The following NME8 variants were observed in gnomAD, a reference collection of about 807,000 sequenced individuals.
NME8 encodes the protein NME/NM23 family member 8, also known as protein NME8.
In NME8, 72 loss-of-function variants were observed where a neutral mutation model predicts 82.3. The ratio of observed to expected loss-of-function variants is 0.87; its 90% CI spans 0.72 to 1.06. The LOEUF (loss-of-function observed/expected upper bound fraction) is 1.06, where lower values mean the gene tolerates loss of function less well. Ranked by LOEUF, NME8 falls within the 50% of genes least tolerant of loss-of-function variation. The pLI is 0.00. For synonymous variants in NME8, 267 were observed against 228.5 expected (o/e 1.17, Z -1.52); for missense variants, 712 against 685.4 (o/e 1.04, Z -0.43).
intron 15 of NME8, among the ~76,000 whole-genome samples, chr7:37,888,876 T>C (rs555025300): frequency 6.6e-6 from 1 of 152,112 alleles, no homozygotes; most frequent in South Asian, 2.1e-4. Context: ...TTTTTTTTCG[T>C]ATTGAGACTT....
At chr7:37,877,438 T>TA (rs2131960691) in intron 12 of NME8, among the ~76,000 whole-genome samples, 1 of 152,334 alleles carries the variant, frequency 6.6e-6, no homozygotes, top group South Asian at 2.1e-4. Flanking sequence ...TAGTTCTTTT[T>TA]AATCTCATCC....
At chr7:37,881,969 A>C (rs1277384961) in intron 12 of NME8, among the ~76,000 whole-genome samples, 2 of 152,220 alleles carry the variant, frequency 1.3e-5, no homozygotes, top group African/African-American at 4.8e-5. Context: ...GCAGAGAAAA[A>C]GTCTGCTGTC....
intron 14 of NME8, among the ~76,000 whole-genome samples, chr7:37,886,046 A>G (rs1968668): frequency 0.086 from 13,026 of 152,212 alleles, 689 homozygotes; most frequent in South Asian, 0.16. Context: ...CACTTACATG[A>G]AAGCTGAAGT....
chr7:37,888,666 T>G (rs1014706273), intron 15 of NME8, among the ~76,000 whole-genome samples: 1 of 152,140 alleles, frequency 6.6e-6, no homozygotes, highest in Non-Finnish European at 1.5e-5. Flanking sequence ...TCAGAAATGA[T>G]ATTGAATTTT....
At chr7:37,885,296 A>C in intron 14 of NME8, 44 bp downstream of exon 14, 2 of 1,167,220 alleles carry the variant, frequency 1.7e-6, no homozygotes, top group Non-Finnish European at 1.3e-6. Context: ...CGTGGGCTCC[A>C]TTTTAAACAC....
chr7:37,859,878 C>T lies in NME8; in HGVS notation c.271-2150C>T, dbSNP rs371546258. Among the ~76,000 whole-genome samples the T allele has an allele frequency of 9.9e-5, 15 of 152,270 alleles. No homozygotes were observed. In the East Asian group the frequency reaches 2.5e-3, roughly 25 times the overall value. The stretch of plus-strand genomic sequence containing the variant: ...CAATCATGTCTCAGACTGCCCATTG[C>T]TCCACATCCATAATCATTAATTTAA... On this transcript the variant is annotated intron_variant, in intron 6 of 17. Transcript: ENST00000199447.
intron 17 of NME8, among the ~76,000 whole-genome samples, chr7:37,899,584 A>T (rs1200404796): frequency 6.6e-6 from 1 of 152,076 alleles, no homozygotes; most frequent in Non-Finnish European, 1.5e-5. Context: ...TGGTCTTAAT[A>T]CCTAGGTGAT....
intron 16 of NME8, among the ~76,000 whole-genome samples, chr7:37,896,039 GCACA>G (rs147868974): frequency 6.6e-6 from 1 of 151,388 alleles, no homozygotes; most frequent in Non-Finnish European, 1.5e-5. Context: ...ACACACACAT[GCACA>G]CACACACACG....
In NME8 at chr7:37,875,663, A is replaced by T. The variant is rs142109362; in HGVS notation, c.819-1169A>T. Among the ~76,000 whole-genome samples the T allele has an allele frequency of 3.2e-3, 492 of 152,304 alleles. 7 individuals carry two copies. The highest frequency in any genetic ancestry group is 0.011 in the African/African-American group (466 of 41,570). ...ATGAAAATAAAGGGATGGCCAAAAA[A>T]TAGCCAGGAAAAATAAAGTATTAAC... On this transcript the variant is annotated intron_variant, in intron 11 of 17. Coordinates refer to ENST00000199447, the MANE Select transcript of NME8 (RefSeq NM_016616.5).
chr7:37,849,407 A>G (rs1303160857), intron 2 of NME8, among the ~76,000 whole-genome samples: 2 of 152,176 alleles, frequency 1.3e-5, no homozygotes, highest in African/African-American at 2.4e-5. Flanking sequence ...AACTCCTAAC[A>G]TTCTTACCTT....
chr7:37,892,309 T>A (rs1785141372), intron 15 of NME8, among the ~76,000 whole-genome samples: 1 of 151,836 alleles, frequency 6.6e-6, no homozygotes, highest in African/African-American at 2.4e-5. Context: ...TGCCTTATAG[T>A]TTTAAATATT....
chr7:37,856,160 A>G (rs752466110), intron 5 of NME8, among the ~76,000 whole-genome samples: 1 of 152,208 alleles, frequency 6.6e-6, no homozygotes, highest in Non-Finnish European at 1.5e-5. Context: ...ACTGAACACA[A>G]TGAAAATTCC....
At position 37,865,596 on chromosome 7, in the gene NME8, C is replaced by G; in HGVS notation, c.600C>G (p.Phe200Leu). The G allele has an allele frequency of 6.2e-7, 1 of 1,611,876 alleles. No individual in the cohort carries two copies. Among genetic ancestry groups the G allele is most frequent in the African/African-American group, 1.3e-5 (1 of 74,988 alleles). ...TCACTGAAGAACAAGTTGTCAACTT[C>G]TATAGTCGAATAGCAGACCAGGTAT... Reference protein sequence around the residue: ...TVLTEEQVVNFYSRIADQCDF... With the variant: ...TVLTEEQVVNLYSRIADQCDF... Residue 200 changes from phenylalanine to leucine, a missense_variant, in exon 10 of 18, where the codon TTC (phenylalanine) becomes TTG (leucine). Phe to Leu is a conservative substitution (Grantham distance 22). Coordinates refer to ENST00000199447, the MANE Select transcript of NME8 (RefSeq NM_016616.5).
At chr7:37,873,037 C>T (rs1199605170) in intron 11 of NME8, among the ~76,000 whole-genome samples, 1 of 152,144 alleles carries the variant, frequency 6.6e-6, no homozygotes, top group Admixed American at 6.5e-5. Context: ...TTTTTAAGTA[C>T]TAGTTACTGA....
At chr7:37,882,597 A>AAGAAAGAAAGAAAGAAAGAAAGAAAG (rs1554365622) in intron 12 of NME8, among the ~76,000 whole-genome samples, 5 of 83,050 alleles carry the variant, frequency 6.0e-5, no homozygotes, top group African/African-American at 9.3e-5. Context: ...GAAAGAAAGA[A>AAGAAAGAAAGAAAGAAAGAAAGAAAG]AGAGAGAGAG....
intron 11 of NME8, among the ~76,000 whole-genome samples, chr7:37,870,745 G>A (rs1225791556): frequency 1.3e-5 from 2 of 152,092 alleles, no homozygotes; most frequent in African/African-American, 4.8e-5. Flanking sequence ...GGTTCTCTCT[G>A]TGTACATGTT....
At chr7:37,900,152 T>A (rs981013683) in intron 17 of NME8, 92 bp from the exon 18 acceptor site, 6 of 152,252 alleles carry the variant, frequency 3.9e-5, no homozygotes, top group Non-Finnish European at 8.8e-5. Context: ...GTGATTTGTG[T>A]GCAAAACTTC....
At chr7:37,862,857 C>T (rs992978623) in intron 7 of NME8, among the ~76,000 whole-genome samples, 6 of 152,236 alleles carry the variant, frequency 3.9e-5, no homozygotes, top group Admixed American at 1.3e-4. Flanking sequence ...CGGTAGCTCA[C>T]GCCTGTAATC....
chr7:37,864,455 T>C (rs1395258374), intron 9 of NME8, 34 bp downstream of exon 9: 1 of 1,489,316 alleles, frequency 6.7e-7, no homozygotes, highest in African/African-American at 1.5e-5. Flanking sequence ...ATTAAATTAA[T>C]TGCAAAATAA....
Sources: gnomAD v4.1 joint callset for allele counts (sites outside exome capture counted in the v4.1 genomes callset) on GRCh38, gnomAD v4.1.1 for gene constraint, MANE v1.5 for transcripts, NCBI Gene and HGNC (gene_info 2026-07-23, HGNC 2026-07-21) for gene names.